The following UMODL1 variants were observed in gnomAD, a reference collection of about 807,000 sequenced individuals.
The protein encoded by UMODL1 is uromodulin-like 1.
Under a neutral mutation model 136.3 loss-of-function variants are expected in UMODL1, and 128 were observed. The observed-to-expected ratio is 0.94, with a 90% CI of 0.81 to 1.09. The LOEUF (loss-of-function observed/expected upper bound fraction) is 1.09, where lower values mean the gene tolerates loss of function less well. UMODL1 is among the 50% of genes least tolerant of loss of function. UMODL1 has a pLI of 0.00. For missense variants in UMODL1, 1,766 were observed against 1,725.6 expected, an observed-to-expected ratio of 1.02 and a Z score of -0.41; for synonymous variants, 721 against 720.0, an observed-to-expected ratio of 1.00 and a Z score of -0.02.
rs1569178747 is a variant in UMODL1 at position 42,131,451 on chromosome 21, TCAGCCA to T, written c.3775+1655_3775+1660del. Reference sequence around the variant, plus strand: ...GCTGGGGAACAGGAGGAGGGAGGTCTCAGCCATGAAGCTGGGGAACAGGAGGAGGGA... The same window carrying T: ...GCTGGGGAACAGGAGGAGGGAGGTCTTGAAGCTGGGGAACAGGAGGAGGGA... On this transcript the variant is annotated intron_variant, in intron 21 of 22. Coordinates refer to ENST00000408910, the MANE Select transcript of UMODL1 (RefSeq NM_001004416.3). Among the ~76,000 whole-genome samples, 59 of 25,094 alleles carry T rather than the reference TCAGCCA, an allele frequency of 2.4e-3. 10 individuals are homozygous for T. The highest frequency in any genetic ancestry group is 6.4e-3 in the Non-Finnish European group (40 of 6,268). 16.5% of individuals were successfully genotyped at this position (25,094 alleles called of 152,430 possible). A position where few individuals can be genotyped will look rare whatever the true frequency, so the allele number is the denominator to read the frequency against.
chr21:42,139,005 A>G (rs1357710220), intron 22 of UMODL1, among the ~76,000 whole-genome samples: 3 of 152,144 alleles, frequency 2.0e-5, no homozygotes, highest in African/African-American at 7.2e-5. Flanking sequence ...CCATCTCTAC[A>G]AAAAATACAA....
chr21:42,123,209 C>T lies in UMODL1; in HGVS notation c.3147+59C>T, dbSNP rs1369906912. On this transcript the variant is annotated intron_variant, in intron 17 of 22. Coordinates refer to ENST00000408910, the MANE Select transcript of UMODL1 (RefSeq NM_001004416.3). The surrounding 1 kb of genome is among the most constrained non-coding windows in gnomAD (Gnocchi z 4.4). ...CTAGGGCGCAAGGGGCTCTAGGTTA[C>T]ATGGGCCTCGATGTGGGAGGGCCAG... 6.5e-7 allele frequency: 1 copy of T among 1,536,400 alleles called. No individual in the cohort carries two copies. Among genetic ancestry groups the T allele is most frequent in the African/African-American group, 1.4e-5 (1 of 73,132 alleles).
chr21:42,131,681 T>A (rs2067136574), intron 21 of UMODL1, among the ~76,000 whole-genome samples: 1 of 151,908 alleles, frequency 6.6e-6, no homozygotes. Context: ...GTGACTCAAC[T>A]GCTGGTTCTC....
At position 42,133,334 on chromosome 21, in the gene UMODL1, C is replaced by T. The variant is rs143833225; in HGVS notation, c.3775+3537C>T. 1.3e-3 allele frequency among the ~76,000 whole-genome samples: 201 copies of T among 152,322 alleles called. 2 individuals are homozygous for T. Among genetic ancestry groups the T allele is most frequent in the African/African-American group, 4.7e-3 (194 of 41,558 alleles). On this transcript the variant is annotated intron_variant, in intron 21 of 22. Coordinates refer to ENST00000408910, the MANE Select transcript of UMODL1 (RefSeq NM_001004416.3). ...TTTCAGGGAAGAAATGAGAACAACT[C>T]AGAGATTTTAGGGAATGTGCCTAAG...
intron 6 of UMODL1, among the ~76,000 whole-genome samples, chr21:42,098,612 C>CA (rs34188030): frequency 0.28 from 41,892 of 151,754 alleles, 6,062 homozygotes; most frequent in East Asian, 0.36. Context: ...ACTAAAAATG[C>CA]AAAAAATTAG....
chr21:42,088,501 C>T, intron 5 of UMODL1, 21 bp downstream of exon 5: 1 of 1,581,550 alleles, frequency 6.3e-7, no homozygotes, highest in Non-Finnish European at 8.6e-7. Flanking sequence ...CCTCAATCCT[C>T]CCTCTGGGGA....
chr21:42,099,692 T>C lies in UMODL1; in HGVS notation c.1186+512T>C, dbSNP rs1259527225. 6.6e-6 allele frequency among the ~76,000 whole-genome samples: 1 copy of C among 152,078 alleles called. No individual in the cohort carries two copies. The highest frequency in any genetic ancestry group is 1.5e-5 in the Non-Finnish European group (1 of 68,004). On this transcript the variant is annotated intron_variant, in intron 7 of 22. Coordinates refer to ENST00000408910, the MANE Select transcript of UMODL1 (RefSeq NM_001004416.3). This position sits in a 1 kb window ranked among gnomAD's most constrained non-coding sequence, Gnocchi z 4.1. ...ATTGGTGCTGGGACAAAACGTTTTTTCTTTTTGAGACAGGGTCTCGCTCTG... is the reference window on the plus strand; with the variant it reads ...ATTGGTGCTGGGACAAAACGTTTTTCCTTTTTGAGACAGGGTCTCGCTCTG...
intron 4 of UMODL1, chr21:42,086,741 G>A (rs1210267409): frequency 3.3e-5 from 14 of 422,932 alleles, no homozygotes; most frequent in Non-Finnish European, 5.3e-5. Context: ...CGAGGCAGGC[G>A]GATCACTTGA....
intron 9 of UMODL1, 131 bp from the exon 10 acceptor site, chr21:42,109,431 C>A (rs1601235078): frequency 8.2e-7 from 1 of 1,217,018 alleles, no homozygotes; most frequent in Non-Finnish European, 1.1e-6. Context: ...TGGACGGATG[C>A]CCCAAAATGC....
chr21:42,129,920 TATCATAACAGAAATACTC>T (rs1320086928), intron 21 of UMODL1, 123 bp downstream of exon 21: 4 of 703,488 alleles, frequency 5.7e-6, no homozygotes, highest in Non-Finnish European at 6.7e-6. Flanking sequence ...CTAAGAGGCT[TATCATAACAGAAATACTC>T]ATAGTTAGTA....
chr21:42,127,986 A>G, intron 20 of UMODL1, 155 bp downstream of exon 20: 1 of 980,530 alleles, frequency 1.0e-6, no homozygotes, highest in Non-Finnish European at 1.6e-6. Context: ...CGCGTCTGAA[A>G]TGGTATTTCC....
intron 4 of UMODL1, chr21:42,086,616 T>G (rs935534429): frequency 4.4e-6 from 2 of 454,990 alleles, no homozygotes; most frequent in Non-Finnish European, 8.8e-6. Flanking sequence ...TCATCAGCTG[T>G]GTGACCTTGG....
At chr21:42,101,746 C>T (rs1451850048) in intron 7 of UMODL1, 1 of 456,846 alleles carries the variant, frequency 2.2e-6, no homozygotes, top group South Asian at 1.5e-5. Flanking sequence ...GAGCTAAATT[C>T]TGGAACCTCC....
Position 42,122,644 on chromosome 21 carries a change from T to C in UMODL1, c.2828-187T>C, listed in dbSNP as rs1366790745. Among the ~76,000 whole-genome samples the C allele has an allele frequency of 6.8e-6, 1 of 146,096 alleles. No homozygotes were observed. The highest frequency in any genetic ancestry group is 1.5e-5 in the Non-Finnish European group (1 of 66,808). Reference sequence around the variant, plus strand: ...GTGTGTGCATGCACGTGTGTGTACGTGTGTGTGCATATGTGTGCGTGTGTG... The same window carrying C: ...GTGTGTGCATGCACGTGTGTGTACGCGTGTGTGCATATGTGTGCGTGTGTG... On this transcript the variant is annotated intron_variant, in intron 16 of 22. Coordinates refer to ENST00000408910, the MANE Select transcript of UMODL1 (RefSeq NM_001004416.3). The surrounding 1 kb of genome is among the most constrained non-coding windows in gnomAD (Gnocchi z 4.3).
rs749554676 is a variant in UMODL1 at position 42,090,381 on chromosome 21, G to A, written c.874G>A (p.Val292Ile). Residue 292 changes from valine (V) to isoleucine (I), a missense_variant, in exon 6 of 23, where the codon GTC becomes ATC. Val to Ile is a conservative substitution (Grantham distance 29). Coordinates refer to ENST00000408910, the MANE Select transcript of UMODL1 (RefSeq NM_001004416.3). The stretch of plus-strand genomic sequence containing the variant: ...AAACCTGGAGGGCTCGTACTGGTGC[G>A]TCTGTCACCAGGAAGCTCCAGCCAC... ...CANLEGSYWCVCHQEAPATSP... is the reference protein window; with the variant it reads ...CANLEGSYWCICHQEAPATSP... 44 of 1,613,914 alleles carry A rather than the reference G, an allele frequency of 2.7e-5. No homozygotes were observed. The highest frequency in any genetic ancestry group is 3.3e-4 in the Middle Eastern group (2 of 6,084).
Position 42,099,274 on chromosome 21 carries a change from A to C in UMODL1, c.1186+94A>C. 6.7e-7 allele frequency: 1 copy of C among 1,496,496 alleles called. No homozygotes were observed. The highest frequency in any genetic ancestry group is 1.3e-5 in the South Asian group (1 of 74,704). 92.7% of individuals were successfully genotyped at this position (1,496,496 alleles called of 1,614,324 possible). ...AGCATGTCGCGTTCTTCTTCCTATA[A>C]CCAGGGCACCAGAAGTCACTGACCG... On this transcript the variant is annotated intron_variant, in intron 7 of 22. Transcript: ENST00000408910. The surrounding 1 kb of genome is among the most constrained non-coding windows in gnomAD (Gnocchi z 4.1).
chr21:42,128,413 GGGA>G (rs1415192551), intron 20 of UMODL1, among the ~76,000 whole-genome samples: 4 of 152,196 alleles, frequency 2.6e-5, no homozygotes, highest in African/African-American at 9.7e-5. Context: ...TCTGAGGCAG[GGGA>G]CAGCTTAGGG....
chr21:42,137,792 A>G (rs2067228510), intron 22 of UMODL1, among the ~76,000 whole-genome samples, 151 bp downstream of exon 22: 1 of 151,258 alleles, frequency 6.6e-6, no homozygotes, highest in Admixed American at 6.6e-5. Context: ...TAGGAGGTGC[A>G]GGCTGATAAG....
intron 1 of UMODL1, among the ~76,000 whole-genome samples, chr21:42,073,812 C>T (rs548031630): frequency 4.1e-5 from 6 of 146,080 alleles, no homozygotes; most frequent in African/African-American, 1.3e-4. Context: ...GTGTTCCTCC[C>T]CAGAAATCAA....
Sources: gnomAD v4.1 joint callset for allele counts (sites outside exome capture counted in the v4.1 genomes callset) on GRCh38, gnomAD v4.1.1 for gene constraint, Gnocchi (gnomAD v3.1) non-coding constraint, MANE v1.5 for transcripts, NCBI Gene and HGNC (gene_info 2026-07-23, HGNC 2026-07-21) for gene names.